CLEC4M: variants seen among roughly 807,000 people sequenced by gnomAD.
CLEC4M encodes C-type lectin domain family 4 member M.
In CLEC4M, 25 loss-of-function variants were observed where a neutral mutation model predicts 39.1. The observed-to-expected ratio is 0.64, with a 90% CI of 0.47 to 0.89. The LOEUF is 0.89. Ranked by LOEUF, CLEC4M falls within the 40% of genes least tolerant of loss-of-function variation. The pLI, the probability that CLEC4M is intolerant of heterozygous loss-of-function variation, is 0.00. For missense variants in CLEC4M, 353 were observed against 431.4 expected (o/e 0.82, Z 1.61); for synonymous variants, 155 against 177.4 (o/e 0.87, Z 1.00).
intron 4 of CLEC4M, 90 bp downstream of exon 4, chr19:7,766,297 A>G (rs1237022921): frequency 1.3e-6 from 2 of 1,569,676 alleles, no homozygotes; most frequent in Non-Finnish European, 1.7e-6. Context: ...CCTGAGCCTC[A>G]GTTTCCTCCC....
rs187212560 is a variant in CLEC4M at position 7,766,576 on chromosome 19, T to C, written c.785-80T>C. On this transcript the variant is annotated intron_variant, in intron 4 of 6. Coordinates refer to ENST00000327325, the MANE Select transcript of CLEC4M (RefSeq NM_014257.5). ...GACAGTCAAGGAAGGGCCCTGATTT[T>C]CAAGGGCTTGAAGGCTGGGCAGATA... is the stretch of plus-strand genomic sequence containing the variant. The C allele has an allele frequency of 8.6e-5, 137 of 1,593,010 alleles. No individual in the cohort carries two copies. The African/African-American group carries it at 1.6e-3, about 19-fold the overall frequency.
chr19:7,767,362 T>C (rs1378687883), intron 5 of CLEC4M, 154 bp from the exon 6 acceptor site: 1 of 608,954 alleles, frequency 1.6e-6, no homozygotes, highest in African/African-American at 1.9e-5. Context: ...GGGATACAGA[T>C]GTGAGAGGGG....
rs1212099048 is a variant in CLEC4M, at chr19:7,763,468, G to C, written c.122G>C (p.Ser41Thr). 8 of 1,613,888 alleles carry C rather than the reference G, an allele frequency of 5.0e-6. No individual in the cohort carries two copies. The highest frequency in any genetic ancestry group is 5.9e-6 in the Non-Finnish European group (7 of 1,179,878). Residue 41 changes from serine to threonine, a missense_variant, in exon 2 of 7, where the codon AGC becomes ACC. Physicochemically the swap from Ser to Thr is moderately conservative, Grantham distance 58. Around this residue, in one of 4 missense-constraint regions of CLEC4M, gnomAD observed 91 missense variants for 77.8 expected, o/e 1.17. Coordinates refer to ENST00000327325, the MANE Select transcript of CLEC4M (RefSeq NM_014257.5). The part of the protein sequence containing the change: ...FQFQQIHGHK[S>T]STGCLGHGAL... ...TTCCAGCAGATACATGGCCACAAGA[G>C]CTCTACAGGTAGGCAAGAGTTAGGG...
chr19:7,764,502 T>TTTA (rs1568527359), intron 2 of CLEC4M, among the ~76,000 whole-genome samples: 132 of 151,604 alleles, frequency 8.7e-4, no homozygotes, highest in African/African-American at 3.0e-3. Flanking sequence ...TTATTTATTT[T>TTTA]TTTTGAGACA....
chr19:7,766,654 A>G lies in CLEC4M; in HGVS notation c.785-2A>G. 6.2e-7 allele frequency: 1 copy of G among 1,614,238 alleles called. No individual in the cohort carries two copies. The highest frequency in any genetic ancestry group is 8.5e-7 in the Non-Finnish European group (1 of 1,180,030). ...CCAGCCCTGACCAGCCTCCCCCAAC[A>G]GAACGCCTGTGCCGCCACTGTCCCA... is the stretch of plus-strand genomic sequence containing the variant. On this transcript the variant is annotated splice_acceptor_variant, in intron 4 of 6. Coordinates refer to ENST00000327325, the MANE Select transcript of CLEC4M (RefSeq NM_014257.5). LOFTEE classifies it high-confidence loss of function.
At position 7,766,802 on chromosome 19, in the gene CLEC4M, G is replaced by A; in HGVS notation, c.931G>A (p.Glu311Lys). The stretch of plus-strand genomic sequence containing the variant: ...GCTCGTCGTAATCAAAACTGCTGAG[G>A]AGCAGGTACACGTGGTGGGGGTCCT... ...AQLVVIKTAE[E>K]QNFLQLQTSR... The change falls in exon 5 of 7, where the codon GAG (glutamate) becomes AAG (lysine). Residue 311 changes from glutamate to lysine, a missense_variant. Glu to Lys is a moderately conservative substitution (Grantham distance 56, BLOSUM62 1). Around this residue, in one of 4 missense-constraint regions of CLEC4M, gnomAD observed 196 missense variants for 211.7 expected, o/e 0.93. Coordinates refer to ENST00000327325, the MANE Select transcript of CLEC4M (RefSeq NM_014257.5). 1 of 1,614,214 alleles carries A rather than the reference G, an allele frequency of 6.2e-7. No individual in the cohort carries two copies. Among genetic ancestry groups the A allele is most frequent in the East Asian group, 2.2e-5 (1 of 44,890 alleles).
intron 6 of CLEC4M, 114 bp from the exon 7 acceptor site, chr19:7,768,724 C>T: frequency 2.4e-6 from 3 of 1,235,414 alleles, no homozygotes; most frequent in South Asian, 1.5e-5. Flanking sequence ...GAGAGCAATG[C>T]ATGTCCAGCA....
At chr19:7,767,711 C>G (rs374325213) in intron 6 of CLEC4M, 83 bp downstream of exon 6, 41 of 1,200,708 alleles carry the variant, frequency 3.4e-5, no homozygotes, top group African/African-American at 6.0e-5. Context: ...GGGGGTCCCC[C>G]CCAACCTCCC....
In CLEC4M at chr19:7,763,436, C is replaced by T. The variant is rs1279020834; in HGVS notation, c.90C>T (p.Asp30=). ...GTGGCATCAGACTTTTTCCAAGAGACTTTCAATTCCAGCAGATACATGGCC... is the reference window on the plus strand; with the variant it reads ...GTGGCATCAGACTTTTTCCAAGAGATTTTCAATTCCAGCAGATACATGGCC... ...TTSGIRLFPR[D]FQFQQIHGHK... Residue 30 remains aspartate, a synonymous_variant, in exon 2 of 7, where the codon GAC becomes GAT. Transcript: ENST00000327325. 6.2e-7 allele frequency: 1 copy of T among 1,614,096 alleles called. No individual in the cohort carries two copies. Among genetic ancestry groups the T allele is most frequent in the Admixed American group, 1.7e-5 (1 of 60,012 alleles).
chr19:7,763,278 C>T lies in CLEC4M; in HGVS notation c.12C>T (p.Ser4=). The T allele has an allele frequency of 6.2e-7, 1 of 1,603,536 alleles. No homozygotes were observed. Among genetic ancestry groups the T allele is most frequent in the Non-Finnish European group, 8.5e-7 (1 of 1,175,332 alleles). ...GACAGCGGGAAAACATGAGTGACTC[C>T]AAGGAACCAAGGGTGCAGCAGCTGG... MSD[S]KEPRVQQLGL... The change falls in exon 1 of 7, where the codon TCC becomes TCT. Residue 4 remains serine, a synonymous_variant. Transcript: ENST00000327325.
rs771612889 is a variant in CLEC4M, at chr19:7,769,085, A to G, written c.*97A>G. 9.1e-5 allele frequency: 116 copies of G among 1,278,828 alleles called. No homozygotes were observed. Among genetic ancestry groups the G allele is most frequent in the South Asian group, 2.2e-4 (16 of 73,778 alleles). 79.2% of individuals were successfully genotyped at this position (1,278,828 alleles called of 1,614,324 possible). On this transcript the variant is annotated 3_prime_UTR_variant, in exon 7 of 7. Coordinates refer to ENST00000327325, the MANE Select transcript of CLEC4M (RefSeq NM_014257.5). Reference sequence around the variant, plus strand: ...TCTCTCCATCCTTGGACCTTCACAAATGCCCTGAGACGGTTCTCTGTTCGA... The same window carrying G: ...TCTCTCCATCCTTGGACCTTCACAAGTGCCCTGAGACGGTTCTCTGTTCGA...
chr19:7,767,207 T>C (rs2034316473), intron 5 of CLEC4M: 1 of 432,374 alleles, frequency 2.3e-6, no homozygotes, highest in African/African-American at 2.0e-5. Context: ...TAGTAGTGGG[T>C]CCAATGTGGC....
Position 7,766,822 on chromosome 19 carries a change from G to C in CLEC4M, c.936+15G>C. 1 of 1,614,202 alleles carries C rather than the reference G, an allele frequency of 6.2e-7. No individual in the cohort carries two copies. Among genetic ancestry groups the C allele is most frequent in the South Asian group, 1.1e-5 (1 of 91,082 alleles). On this transcript the variant is annotated intron_variant, in intron 5 of 6. Coordinates refer to ENST00000327325, the MANE Select transcript of CLEC4M (RefSeq NM_014257.5). ...CTGAGGAGCAGGTACACGTGGTGGG[G>C]GTCCTCGTCCTGGCCTGGGGCATGG...
Position 7,769,078 on chromosome 19 carries a change from T to C in CLEC4M, c.*90T>C. On this transcript the variant is annotated 3_prime_UTR_variant, in exon 7 of 7. Coordinates refer to ENST00000327325, the MANE Select transcript of CLEC4M (RefSeq NM_014257.5). ...CGCTTCTTCTCTCCATCCTTGGACC[T>C]TCACAAATGCCCTGAGACGGTTCTC... The C allele has an allele frequency of 7.4e-7, 1 of 1,347,378 alleles. No homozygotes were observed. The highest frequency in any genetic ancestry group is 1.0e-6 in the Non-Finnish European group (1 of 965,822). The allele number at this position is 1,347,378 out of a possible 1,614,324, so 83.5% of individuals were successfully genotyped here.
In CLEC4M at chr19:7,768,955, C is replaced by T. The variant is rs774688684; in HGVS notation, c.1167C>T (p.Cys389=). 1 of 1,613,984 alleles carries T rather than the reference C, an allele frequency of 6.2e-7. No homozygotes were observed. Among genetic ancestry groups the T allele is most frequent in the Non-Finnish European group, 8.5e-7 (1 of 1,179,968 alleles). Reference sequence around the variant, plus strand: ...GTGACGTTGACAATTACTGGATCTGCAAAAAGCCCGCAGCCTGCTTCAGAG... The same window carrying T: ...GTGACGTTGACAATTACTGGATCTGTAAAAAGCCCGCAGCCTGCTTCAGAG... ...NRCDVDNYWI[C]KKPAACFRDE is the part of the protein sequence containing the mutation. The change falls in exon 7 of 7, where the codon TGC becomes TGT. Residue 389 remains cysteine (C), a synonymous_variant. Coordinates refer to ENST00000327325, the MANE Select transcript of CLEC4M (RefSeq NM_014257.5).
intron 1 of CLEC4M, 38 bp downstream of exon 1, chr19:7,763,350 G>C: frequency 6.2e-7 from 1 of 1,612,548 alleles, no homozygotes; most frequent in South Asian, 1.1e-5. Context: ...CTGGGTAAGG[G>C]GAAGGGATGG....
rs373462549 is a variant in CLEC4M, at chr19:7,767,508, C to A, written c.937-8C>A. ...GAGCTCCCTCCTGACTCCTCCTCTACCCTCCAGAACTTCCTACAGCTGCAG... is the reference window on the plus strand; with the variant it reads ...GAGCTCCCTCCTGACTCCTCCTCTAACCTCCAGAACTTCCTACAGCTGCAG... On this transcript the variant is annotated splice_region_variant and splice_polypyrimidine_tract_variant and intron_variant, in intron 5 of 6. Transcript: ENST00000327325. 1.9e-6 allele frequency: 3 copies of A among 1,609,744 alleles called. No individual in the cohort carries two copies. Among genetic ancestry groups the A allele is most frequent in the Non-Finnish European group, 2.6e-6 (3 of 1,176,054 alleles).
At chr19:7,766,872 G>A in intron 5 of CLEC4M, 65 bp downstream of exon 5, 2 of 1,608,794 alleles carry the variant, frequency 1.2e-6, no homozygotes, top group South Asian at 1.1e-5. Flanking sequence ...GGGAGGAGGT[G>A]CTCAGAGAGG....
chr19:7,766,955 T>G, intron 5 of CLEC4M, 148 bp downstream of exon 5: 1 of 1,371,736 alleles, frequency 7.3e-7, no homozygotes, highest in Non-Finnish European at 9.8e-7. Flanking sequence ...GGGTCCCAGG[T>G]ACCCTTCAAG....
Sources: gnomAD v4.1 joint callset for allele counts (sites outside exome capture counted in the v4.1 genomes callset) on GRCh38, gnomAD v4.1.1 for gene constraint, gnomAD v4.1.1 regional missense constraint, MANE v1.5 for transcripts, NCBI Gene and HGNC (gene_info 2026-07-23, HGNC 2026-07-21) for gene names.